The following TTC39B variants were observed in gnomAD, a reference collection of about 807,000 sequenced individuals.
TTC39B encodes tetratricopeptide repeat protein 39B.
Under a neutral mutation model 96.6 loss-of-function variants are expected in TTC39B, and 92 were observed. That is an observed-to-expected ratio of 0.95 (90% CI 0.80 to 1.13). The LOEUF is 1.13. TTC39B is among the 50% of genes most tolerant of loss of function. The pLI, the probability that TTC39B is intolerant of heterozygous loss-of-function variation, is 0.00. For synonymous variants in TTC39B, 367 were observed against 299.4 expected, an observed-to-expected ratio of 1.23 and a Z score of -2.33; for missense variants, 955 against 809.3, an observed-to-expected ratio of 1.18 and a Z score of -2.18.
intron 2 of TTC39B, chr9:15,249,219 A>C (rs1822420228): frequency 6.6e-6 from 1 of 152,240 alleles, no homozygotes; most frequent in African/African-American, 2.4e-5. Flanking sequence ...ACGATGACTA[A>C]GGACAGATGT....
At chr9:15,210,314 T>C (rs1051489113) in intron 5 of TTC39B, 150 bp from the exon 6 acceptor site, 12 of 592,732 alleles carry the variant, frequency 2.0e-5, no homozygotes, top group Non-Finnish European at 3.3e-5. Flanking sequence ...ACACAGATCA[T>C]CCTTTTCCAA....
In TTC39B at chr9:15,177,828, A is replaced by G. The variant is rs756956909; in HGVS notation, c.1724-14T>C. On this transcript the variant is annotated splice_polypyrimidine_tract_variant and intron_variant, in intron 17 of 19. Transcript: ENST00000512701. ...AGCTGTTAAAATCTTAAAACAAAAAACATACAAAGAAAACACACAAAGAAA... is the reference window on the plus strand; with the variant it reads ...AGCTGTTAAAATCTTAAAACAAAAAGCATACAAAGAAAACACACAAAGAAA... The G allele has an allele frequency of 1.3e-6, 2 of 1,512,158 alleles. No homozygotes were observed. The highest frequency in any genetic ancestry group is 2.3e-5 in the East Asian group (1 of 44,246). The allele number at this position is 1,512,158 out of a possible 1,614,324, so 93.7% of individuals were successfully genotyped here. A position where few individuals can be genotyped will look rare whatever the true frequency, so the allele number is the denominator to read the frequency against.
At chr9:15,234,927 G>C (rs1309149869) in intron 2 of TTC39B, among the ~76,000 whole-genome samples, 1 of 151,602 alleles carries the variant, frequency 6.6e-6, no homozygotes, top group Non-Finnish European at 1.5e-5. Flanking sequence ...AGGAAAACCA[G>C]AGACCTTTGT....
chr9:15,211,381 A>G, exon 5 of TTC39B: 1 of 1,571,396 alleles, frequency 6.4e-7, no homozygotes, highest in African/African-American at 1.4e-5. Context: ...AAGGCATGGT[A>G]CATACTCTCC....
At chr9:15,186,030 C>T (rs1476098120) in intron 15 of TTC39B, among the ~76,000 whole-genome samples, 2 of 152,068 alleles carry the variant, frequency 1.3e-5, no homozygotes. Context: ...AATTCATAAG[C>T]AGGTAAAAAT....
exon 20 of TTC39B, chr9:15,164,547 T>C (rs974661657): frequency 8.5e-5 from 13 of 152,200 alleles, no homozygotes; most frequent in African/African-American, 2.9e-4. Context: ...ATACATTTGC[T>C]TTGAGAATAA....
At chr9:15,226,010 G>T (rs1248298748) in exon 3 of TTC39B, 2 of 1,613,208 alleles carry the variant, frequency 1.2e-6, no homozygotes, top group South Asian at 2.2e-5. Flanking sequence ...TGAGTGAGAA[G>T]ATCTGTTAAT....
At chr9:15,215,239 T>A (rs2131365260) in intron 3 of TTC39B, among the ~76,000 whole-genome samples, 1 of 151,698 alleles carries the variant, frequency 6.6e-6, no homozygotes, top group South Asian at 2.1e-4. Context: ...CGATAGAGAC[T>A]TTGTCTCAAA....
intron 10 of TTC39B, 38 bp downstream of exon 10, chr9:15,191,152 T>C: frequency 4.2e-6 from 6 of 1,433,730 alleles, no homozygotes; most frequent in Non-Finnish European, 5.9e-6. Flanking sequence ...TACTGTCTTA[T>C]CTTCCCTGTC....
chr9:15,188,583 G>T (rs999872428), intron 13 of TTC39B, among the ~76,000 whole-genome samples: 9 of 152,080 alleles, frequency 5.9e-5, no homozygotes, highest in African/African-American at 1.9e-4. Context: ...AACAGGCAAA[G>T]ATGTAAATAG....
chr9:15,167,026 ATATTTTTTTTTT>A (rs1376652103), exon 20 of TTC39B: 1 of 11,592 alleles, frequency 8.6e-5, no homozygotes, highest in Non-Finnish European at 1.4e-4. Context: ...ATATATATAT[ATATTTTTTTTTT>A]TTTTTTTTTT....
At chr9:15,301,891 A>G (rs1331808655) in intron 1 of TTC39B, among the ~76,000 whole-genome samples, 18 of 152,256 alleles carry the variant, frequency 1.2e-4, no homozygotes, top group Non-Finnish European at 1.9e-4. Context: ...GCAGGCGGTA[A>G]AAACATGTCA....
chr9:15,284,881 C>A (rs542240379), intron 1 of TTC39B, among the ~76,000 whole-genome samples: 3 of 152,108 alleles, frequency 2.0e-5, no homozygotes, highest in African/African-American at 7.2e-5. Flanking sequence ...TAAAGTATTA[C>A]TTCGAGACAA....
chr9:15,196,992 C>G (rs1185903586), intron 8 of TTC39B, among the ~76,000 whole-genome samples: 2 of 152,242 alleles, frequency 1.3e-5, no homozygotes, highest in Non-Finnish European at 2.9e-5. Context: ...AAGATTATGA[C>G]TTGCTGAAGG....
At chr9:15,186,516 A>G (rs1818532875) in intron 15 of TTC39B, 1 of 153,610 alleles carries the variant, frequency 6.5e-6, no homozygotes, top group African/African-American at 2.4e-5. Context: ...TGATATGGAG[A>G]AAACTTAATC....
chr9:15,307,147 AC>A lies in TTC39B; in HGVS notation c.176del (p.Gly59ValfsTer12). 6.2e-7 allele frequency: 1 copy of A among 1,606,470 alleles called. No individual in the cohort carries two copies. The highest frequency in any genetic ancestry group is 8.5e-7 in the Non-Finnish European group (1 of 1,176,098). ...CCATATTCCTCCTCTGGCTGCTGCC[AC>A]CCAAAAACCAAGCAGGGAACTCAGA... On this transcript the variant is annotated frameshift_variant, in exon 1 of 20. Transcript: ENST00000512701. LOFTEE classifies it high-confidence loss of function.
chr9:15,300,186 T>G (rs927212130), intron 1 of TTC39B, among the ~76,000 whole-genome samples: 1 of 152,180 alleles, frequency 6.6e-6, no homozygotes, highest in Non-Finnish European at 1.5e-5. Context: ...CAGTGAGGCA[T>G]AGGGGTTAGT....
chr9:15,175,814 C>A (rs1564308947), intron 18 of TTC39B, among the ~76,000 whole-genome samples: 1 of 152,126 alleles, frequency 6.6e-6, no homozygotes, highest in Non-Finnish European at 1.5e-5. Context: ...AATATCCATG[C>A]AGGAGATGAG....
exon 16 of TTC39B, chr9:15,185,312 G>T: frequency 6.2e-7 from 1 of 1,613,638 alleles, no homozygotes; most frequent in Non-Finnish European, 8.5e-7. Flanking sequence ...ACAGGTGCAG[G>T]TAAGGAGGCG....
Sources: allele counts gnomAD v4.1 joint callset (sites outside exome capture counted in the v4.1 genomes callset), GRCh38; gene constraint gnomAD v4.1.1; transcripts MANE v1.5; gene names NCBI Gene and HGNC (gene_info 2026-07-23, HGNC 2026-07-21).